The following NELL1 variants were observed in gnomAD, a reference collection of about 807,000 sequenced individuals.
NELL1 encodes protein kinase C-binding protein NELL1.
In NELL1, 76 loss-of-function variants were observed where a neutral mutation model predicts 107.4. The observed-to-expected ratio is 0.71, with a 90% confidence interval of 0.59 to 0.86. NELL1 has a LOEUF of 0.86. Ranked by LOEUF, NELL1 falls within the 40% of genes least tolerant of loss-of-function variation. The pLI is 0.00. For synonymous variants in NELL1, 353 were observed against 341.2 expected (o/e 1.03, Z -0.38); for missense variants, 1,024 against 1,005.5 (o/e 1.02, Z -0.25).
intron 12 of NELL1, among the ~76,000 whole-genome samples, chr11:21,101,906 C>T (rs1370851439): frequency 5.3e-5 from 8 of 152,082 alleles, no homozygotes; most frequent in Non-Finnish European, 8.8e-5. Flanking sequence ...TCTTGTCATC[C>T]AGGCTGTAGT....
intron 13 of NELL1, among the ~76,000 whole-genome samples, chr11:21,188,962 A>T (rs1856991910): frequency 6.6e-6 from 1 of 151,764 alleles, no homozygotes; most frequent in Admixed American, 6.6e-5. Flanking sequence ...TTTGCATTTG[A>T]TACTTATCAT....
intron 3 of NELL1, among the ~76,000 whole-genome samples, chr11:20,810,583 T>C (rs1222619755): frequency 1.3e-5 from 2 of 152,260 alleles, no homozygotes; most frequent in Non-Finnish European, 2.9e-5. Context: ...TATTCCATAA[T>C]ATATATACCA....
chr11:21,359,137 C>T (rs892307341), intron 14 of NELL1, among the ~76,000 whole-genome samples: 1 of 151,976 alleles, frequency 6.6e-6, no homozygotes, highest in South Asian at 2.1e-4. Flanking sequence ...TTTTTTATTA[C>T]CTTGAGGTAT....
intron 5 of NELL1, among the ~76,000 whole-genome samples, chr11:20,910,167 A>C (rs567709175): frequency 3.3e-5 from 5 of 152,260 alleles, no homozygotes; most frequent in African/African-American, 1.2e-4. Context: ...CGACTGGACC[A>C]TGTGTCTTTC....
At chr11:20,957,957 T>C (rs943838876) in intron 11 of NELL1, among the ~76,000 whole-genome samples, 1 of 151,850 alleles carries the variant, frequency 6.6e-6, no homozygotes, top group Non-Finnish European at 1.5e-5. Context: ...AAAGACAAAA[T>C]AGAGAAAAAC....
At chr11:20,705,067 C>A (rs899472359) in intron 2 of NELL1, among the ~76,000 whole-genome samples, 5 of 152,048 alleles carry the variant, frequency 3.3e-5, no homozygotes, top group Non-Finnish European at 5.9e-5. Flanking sequence ...GAATCAATAT[C>A]GTGAAAATGG....
chr11:20,874,961 G>A (rs1024136467), intron 4 of NELL1, among the ~76,000 whole-genome samples: 1 of 152,088 alleles, frequency 6.6e-6, no homozygotes, highest in East Asian at 1.9e-4. Flanking sequence ...CACTTGATTT[G>A]TCTCACAATG....
chr11:21,340,290 C>A (rs1042292136), intron 14 of NELL1, among the ~76,000 whole-genome samples: 1 of 151,772 alleles, frequency 6.6e-6, no homozygotes, highest in African/African-American at 2.4e-5. Context: ...GTAGCTGGGA[C>A]TACAGGCGCC....
chr11:21,428,240 G>A (rs894830450), intron 15 of NELL1, among the ~76,000 whole-genome samples: 1 of 152,124 alleles, frequency 6.6e-6, no homozygotes, highest in African/African-American at 2.4e-5. Flanking sequence ...ACACACCAAG[G>A]CTAACATCTG....
rs775875697 is a variant in NELL1, at chr11:21,573,208, A to T, written c.2181A>T (p.Pro727=). 9.3e-6 allele frequency: 15 copies of T among 1,611,906 alleles called. No individual in the cohort carries two copies. The East Asian group carries it at 3.1e-4, about 34-fold the overall frequency. ...RCLEGEVDCW[P]LTCPNLSCEY... ...AGGAAGGAGAGGTAGATTGCTGGCC[A>T]CTCACTTGCCCCAACTTGAGCTGTG... Residue 727 remains proline, a synonymous_variant, in exon 19 of 20, where the codon CCA becomes CCT. Transcript: ENST00000357134.
At chr11:20,994,067 C>G (rs1331904121) in intron 12 of NELL1, among the ~76,000 whole-genome samples, 1 of 152,144 alleles carries the variant, frequency 6.6e-6, no homozygotes, top group Non-Finnish European at 1.5e-5. Context: ...AATGTTCTAG[C>G]TAATTAGGAC....
chr11:21,391,460 T>C (rs1231225218), intron 15 of NELL1, among the ~76,000 whole-genome samples: 1 of 151,790 alleles, frequency 6.6e-6, no homozygotes, highest in Non-Finnish European at 1.5e-5. Context: ...TTTGGAACTC[T>C]TATTATTTGG....
At chr11:21,048,251 T>C (rs1853404673) in intron 12 of NELL1, among the ~76,000 whole-genome samples, 1 of 152,142 alleles carries the variant, frequency 6.6e-6, no homozygotes, top group African/African-American at 2.4e-5. Flanking sequence ...AATTGCTAGA[T>C]GTCTTTTCCC....
intron 2 of NELL1, among the ~76,000 whole-genome samples, chr11:20,780,714 G>T (rs1011013630): frequency 6.6e-6 from 1 of 152,218 alleles, no homozygotes; most frequent in African/African-American, 2.4e-5. Context: ...TGCAGAGTCT[G>T]CCTTGGAGAG....
intron 14 of NELL1, among the ~76,000 whole-genome samples, chr11:21,369,780 T>G (rs761894621): frequency 2.2e-4 from 33 of 152,072 alleles, no homozygotes; most frequent in Non-Finnish European, 1.0e-4. Context: ...ATGAGAAATT[T>G]TGCACGTTTA....
intron 2 of NELL1, among the ~76,000 whole-genome samples, chr11:20,721,631 C>T (rs1412983853): frequency 6.6e-6 from 1 of 152,134 alleles, no homozygotes. Flanking sequence ...ATGGAAAGTA[C>T]AATTCTCCTC....
intron 14 of NELL1, among the ~76,000 whole-genome samples, chr11:21,310,452 G>A (rs770671690): frequency 6.6e-5 from 10 of 151,930 alleles, no homozygotes; most frequent in Non-Finnish European, 1.5e-4. Flanking sequence ...ACATGGTTTC[G>A]GTCCTCCTAA....
At chr11:21,022,716 G>A (rs1456092157) in intron 12 of NELL1, among the ~76,000 whole-genome samples, 4 of 152,026 alleles carry the variant, frequency 2.6e-5, no homozygotes, top group Non-Finnish European at 5.9e-5. Flanking sequence ...ACTTTTTTGT[G>A]ACCTTGGCAA....
In NELL1 at chr11:21,509,607, C is replaced by A. The variant is rs144585329; in HGVS notation, c.1646-24767C>A. On this transcript the variant is annotated intron_variant, in intron 15 of 19. Coordinates refer to ENST00000357134, the MANE Select transcript of NELL1 (RefSeq NM_006157.5). ...GTGTGCAGCTTGATGCTATTTATAT[C>A]ATTTTAAAAGGTAAAATTACACTAT... Among the ~76,000 whole-genome samples, 557 of 152,054 alleles carry A rather than the reference C, an allele frequency of 3.7e-3. 9 individuals are homozygous for A. Among genetic ancestry groups the A allele is most frequent in the Admixed American group, 0.017 (258 of 15,268 alleles).
Sources: gnomAD v4.1 joint callset for allele counts (sites outside exome capture counted in the v4.1 genomes callset) on GRCh38, gnomAD v4.1.1 for gene constraint, MANE v1.5 for transcripts, NCBI Gene and HGNC (gene_info 2026-07-23, HGNC 2026-07-21) for gene names.